The following GUCY1A1 variants were observed in gnomAD, a reference collection of about 807,000 sequenced individuals.
GUCY1A1 encodes the protein guanylate cyclase 1 soluble subunit alpha 1, also known as guanylate cyclase soluble subunit alpha-1.
Under a neutral mutation model 64.5 loss-of-function variants are expected in GUCY1A1, and 48 were observed. The ratio of observed to expected loss-of-function variants is 0.74; its 90% CI spans 0.59 to 0.95. The LOEUF (loss-of-function observed/expected upper bound fraction) is 0.95. Among genes scored for constraint, GUCY1A1 ranks in the 40% least tolerant of loss-of-function variants. The pLI, the probability that GUCY1A1 is intolerant of heterozygous loss-of-function variation, is 0.00. For synonymous variants in GUCY1A1, 308 were observed against 303.4 expected, an observed-to-expected ratio of 1.02 and a Z score of -0.16; for missense variants, 804 against 825.3, an observed-to-expected ratio of 0.97 and a Z score of 0.32.
intron 3 of GUCY1A1, among the ~76,000 whole-genome samples, chr4:155,699,065 G>A (rs72685791): frequency 0.17 from 26,160 of 149,922 alleles, 2,618 homozygotes; most frequent in East Asian, 0.23. Context: ...GCTGGTTACT[G>A]TAGATTTATT....
At chr4:155,686,421 C>G (rs1332121770) in intron 2 of GUCY1A1, among the ~76,000 whole-genome samples, 1 of 152,200 alleles carries the variant, frequency 6.6e-6, no homozygotes, top group Non-Finnish European at 1.5e-5. Context: ...GCAGAGGTTG[C>G]AGTGAGCCAG....
intron 2 of GUCY1A1, among the ~76,000 whole-genome samples, chr4:155,685,561 C>A (rs1728869890): frequency 6.6e-6 from 1 of 151,640 alleles, no homozygotes; most frequent in East Asian, 1.9e-4. Flanking sequence ...CCTCCACCGC[C>A]TGAACCGCCT....
chr4:155,696,544 T>C (rs1730431714), intron 2 of GUCY1A1, among the ~76,000 whole-genome samples: 1 of 152,248 alleles, frequency 6.6e-6, no homozygotes, highest in South Asian at 2.1e-4. Flanking sequence ...GTTAAAATAG[T>C]AAGAGGAAGT....
At position 155,733,838 on chromosome 4, in the gene GUCY1A1, G is replaced by A. The variant is rs147878613; in HGVS notation, c.*3607G>A. Among the ~76,000 whole-genome samples, 814 of 151,780 alleles carry A rather than the reference G, an allele frequency of 5.4e-3. 3 individuals are homozygous for A. The highest frequency in any genetic ancestry group is 9.0e-3 in the Non-Finnish European group (608 of 67,844). Reference sequence around the variant, plus strand: ...ATTAGAAACAGCATGGTTAAGGATAGGGTGGATATTTACTTGCACAGGTGA... The same window carrying A: ...ATTAGAAACAGCATGGTTAAGGATAAGGTGGATATTTACTTGCACAGGTGA... On this transcript the variant is annotated 3_prime_UTR_variant, in exon 10 of 10. Coordinates refer to ENST00000506455, the MANE Select transcript of GUCY1A1 (RefSeq NM_001130682.3).
At chr4:155,667,456 C>T (rs1395791045) in intron 2 of GUCY1A1, 37 bp downstream of exon 2, 1 of 152,498 alleles carries the variant, frequency 6.6e-6, no homozygotes, top group East Asian at 1.9e-4. Flanking sequence ...GGTCGGGGTT[C>T]TTCAGACAGG....
In GUCY1A1 at chr4:155,666,913, G is replaced by A. The variant is rs1733373721; in HGVS notation, c.-239G>A. On this transcript the variant is annotated 5_prime_UTR_variant, in exon 1 of 10. Coordinates refer to ENST00000506455, the MANE Select transcript of GUCY1A1 (RefSeq NM_001130682.3). ...ACCCAGGCGGAGGACACCTGTGGGG[G>A]AGGGAGCGCCTGGAGGAGCTTAGAG... 1 of 152,352 alleles carries A rather than the reference G, an allele frequency of 6.6e-6. No homozygotes were observed. Among genetic ancestry groups the A allele is most frequent in the Non-Finnish European group, 1.5e-5 (1 of 68,206 alleles). 9.4% of individuals were successfully genotyped at this position (152,352 alleles called of 1,614,324 possible). A position where few individuals can be genotyped will look rare whatever the true frequency, so the allele number is the denominator to read the frequency against.
intron 4 of GUCY1A1, among the ~76,000 whole-genome samples, chr4:155,707,384 A>G (rs1406907734): frequency 6.6e-6 from 1 of 152,226 alleles, no homozygotes; most frequent in Non-Finnish European, 1.5e-5. Context: ...TTAAAGTAGC[A>G]TAGAGTTAGG....
intron 3 of GUCY1A1, among the ~76,000 whole-genome samples, chr4:155,701,702 G>A (rs1731102685): frequency 6.6e-6 from 1 of 151,752 alleles, no homozygotes; most frequent in Admixed American, 6.6e-5. Context: ...TACTTGGGAG[G>A]CTGAGGCAAG....
chr4:155,714,969 G>T (rs1332881307), intron 7 of GUCY1A1, among the ~76,000 whole-genome samples: 1 of 152,150 alleles, frequency 6.6e-6, no homozygotes, highest in East Asian at 1.9e-4. Context: ...GCAAACTGCT[G>T]TAATTGCTAA....
intron 2 of GUCY1A1, among the ~76,000 whole-genome samples, chr4:155,690,682 C>T (rs1729618797): frequency 6.6e-6 from 1 of 152,138 alleles, no homozygotes; most frequent in South Asian, 2.1e-4. Flanking sequence ...ACTCTCTTGG[C>T]CTGACGCAGC....
intron 2 of GUCY1A1, among the ~76,000 whole-genome samples, chr4:155,693,349 TTTTAA>T (rs1166504231): frequency 3.9e-5 from 6 of 152,190 alleles, no homozygotes; most frequent in Non-Finnish European, 8.8e-5. Context: ...AAATTTATTA[TTTTAA>T]TTTATTTGTT....
chr4:155,718,383 A>G (rs1733535124), intron 8 of GUCY1A1, among the ~76,000 whole-genome samples: 1 of 152,182 alleles, frequency 6.6e-6, no homozygotes, highest in Admixed American at 6.6e-5. Context: ...CATCCCATTT[A>G]TATGTTTCTG....
At chr4:155,702,807 A>G (rs1269745119) in intron 3 of GUCY1A1, among the ~76,000 whole-genome samples, 1 of 152,076 alleles carries the variant, frequency 6.6e-6, no homozygotes, top group Non-Finnish European at 1.5e-5. Flanking sequence ...CAGAACCTTG[A>G]TCTATTTTGG....
chr4:155,729,077 ATGT>A (rs569869370), intron 9 of GUCY1A1, among the ~76,000 whole-genome samples: 48 of 151,986 alleles, frequency 3.2e-4, no homozygotes, highest in African/African-American at 1.1e-3. Context: ...CAATACATAG[ATGT>A]TGTCACAGTA....
intron 2 of GUCY1A1, among the ~76,000 whole-genome samples, chr4:155,681,920 G>T (rs774084832): frequency 6.6e-6 from 1 of 152,110 alleles, no homozygotes; most frequent in Non-Finnish European, 1.5e-5. Flanking sequence ...CTCAGTTCAA[G>T]ATCCATGTAT....
chr4:155,710,312 T>C (rs191973663), intron 5 of GUCY1A1, among the ~76,000 whole-genome samples: 57 of 152,284 alleles, frequency 3.7e-4, no homozygotes, highest in African/African-American at 1.2e-3. Flanking sequence ...ACTCAACCGG[T>C]CATTCTTTTT....
intron 2 of GUCY1A1, among the ~76,000 whole-genome samples, chr4:155,680,763 T>C (rs982136924): frequency 6.6e-6 from 1 of 152,130 alleles, no homozygotes; most frequent in Non-Finnish European, 1.5e-5. Context: ...TGGGTCATTA[T>C]AAAAAATCTT....
At chr4:155,708,404 C>G in intron 5 of GUCY1A1, 110 bp downstream of exon 5, 1 of 640,330 alleles carries the variant, frequency 1.6e-6, no homozygotes, top group Non-Finnish European at 2.9e-6. Context: ...ATGAAGTGTT[C>G]AATATTATGT....
At chr4:155,717,134 A>G in intron 7 of GUCY1A1, 25 bp from the exon 8 acceptor site, 1 of 1,357,922 alleles carries the variant, frequency 7.4e-7, no homozygotes, top group Non-Finnish European at 9.7e-7. Context: ...ATTTATTTAT[A>G]GTATGGAAAA....
Sources: gnomAD v4.1 joint callset for allele counts (sites outside exome capture counted in the v4.1 genomes callset) on GRCh38, gnomAD v4.1.1 for gene constraint, MANE v1.5 for transcripts, NCBI Gene and HGNC (gene_info 2026-07-23, HGNC 2026-07-21) for gene names.